EVI5: variants seen among roughly 807,000 people sequenced by gnomAD.
EVI5 encodes the protein ecotropic viral integration site 5.
In EVI5, 73 loss-of-function variants were observed where a neutral mutation model predicts 112.0. The ratio of observed to expected loss-of-function variants is 0.65; its 90% CI spans 0.54 to 0.79. The LOEUF is 0.79. EVI5 is among the 30% of genes least tolerant of loss of function. The pLI is 0.00. For synonymous variants in EVI5, 305 were observed against 319.9 expected, an observed-to-expected ratio of 0.95 and a Z score of 0.50; for missense variants, 900 against 968.8, an observed-to-expected ratio of 0.93 and a Z score of 0.94.
chr1:92,784,814 G>C (rs1685401398), intron 1 of EVI5, 22 bp downstream of exon 1: 2 of 985,412 alleles, frequency 2.0e-6, no homozygotes, highest in Non-Finnish European at 2.4e-6. Flanking sequence ...CGGCCCGCCC[G>C]GCCTGGCGCA....
At chr1:92,631,083 C>A (rs932610361) in intron 14 of EVI5, among the ~76,000 whole-genome samples, 1 of 152,068 alleles carries the variant, frequency 6.6e-6, no homozygotes, top group African/African-American at 2.4e-5. Context: ...GTTACTGTAG[C>A]CTTGTAGTAT....
At chr1:92,782,395 G>A (rs1684982097) in intron 1 of EVI5, among the ~76,000 whole-genome samples, 1 of 151,834 alleles carries the variant, frequency 6.6e-6, no homozygotes, top group East Asian at 1.9e-4. Flanking sequence ...TCCTAGAAAG[G>A]ACTCATATCC....
At chr1:92,596,146 C>A (rs1385419158) in intron 18 of EVI5, among the ~76,000 whole-genome samples, 3 of 152,006 alleles carry the variant, frequency 2.0e-5, no homozygotes, top group Non-Finnish European at 4.4e-5. Context: ...TGCTTGAGCC[C>A]AGGAGATCAA....
chr1:92,681,427 T>C (rs1310573152), intron 9 of EVI5, among the ~76,000 whole-genome samples: 1 of 152,126 alleles, frequency 6.6e-6, no homozygotes, highest in African/African-American at 2.4e-5. Context: ...GTAAAGAGTA[T>C]ATCGTACCCC....
intron 18 of EVI5, among the ~76,000 whole-genome samples, chr1:92,599,554 A>G (rs1319833292): frequency 2.6e-5 from 4 of 152,130 alleles, no homozygotes; most frequent in African/African-American, 9.6e-5. Flanking sequence ...AGACATATAC[A>G]TATAATTAAA....
At chr1:92,713,556 G>A (rs774775301) in intron 2 of EVI5, among the ~76,000 whole-genome samples, 3 of 151,902 alleles carry the variant, frequency 2.0e-5, no homozygotes, top group Non-Finnish European at 2.9e-5. Flanking sequence ...CGGGCCAATC[G>A]CTTGAGGTCA....
chr1:92,559,792 A>AC, intron 19 of EVI5, among the ~76,000 whole-genome samples: 1 of 151,144 alleles, frequency 6.6e-6, no homozygotes, highest in Non-Finnish European at 1.5e-5. Context: ...AAAAAAAAAA[A>AC]AAAAAAGCTT....
rs1470409247 is a variant in EVI5, at chr1:92,703,381, T to A, written c.564+14A>T. The A allele has an allele frequency of 2.8e-6, 4 of 1,417,656 alleles. No individual in the cohort carries two copies. Among genetic ancestry groups the A allele is most frequent in the South Asian group, 1.3e-5 (1 of 78,950 alleles). The allele number at this position is 1,417,656 out of a possible 1,614,324, so 87.8% of individuals were successfully genotyped here. ...AATTCATTTCATTTCAAAAAATGAA[T>A]AAATAAAACTTACCTTCATTACATT... is the stretch of plus-strand genomic sequence containing the variant. On this transcript the variant is annotated intron_variant, in intron 4 of 19. Coordinates refer to ENST00000684568, the MANE Select transcript of EVI5 (RefSeq NM_001350197.2).
intron 1 of EVI5, among the ~76,000 whole-genome samples, chr1:92,751,595 T>A (rs1356897343): frequency 6.6e-6 from 1 of 152,156 alleles, no homozygotes; most frequent in Admixed American, 6.5e-5. Context: ...TTTGGTGGAG[T>A]ACCTCCTCTA....
chr1:92,756,976 A>C, intron 1 of EVI5: 2 of 261,872 alleles, frequency 7.6e-6, no homozygotes, highest in Non-Finnish European at 1.6e-5. Context: ...TAAGGGTAAT[A>C]ACTGACCCAG....
intron 13 of EVI5, among the ~76,000 whole-genome samples, chr1:92,637,496 T>G (rs1659122984): frequency 6.6e-6 from 1 of 152,166 alleles, no homozygotes. Context: ...GCTTTCCTAC[T>G]CTATAAAACA....
chr1:92,535,018 T>C lies in EVI5; in HGVS notation c.2167-21048A>G, dbSNP rs1477048877. 2.6e-5 allele frequency among the ~76,000 whole-genome samples: 4 copies of C among 152,088 alleles called. No homozygotes were observed. In the East Asian group the frequency reaches 5.8e-4, roughly 22 times the overall value. On this transcript the variant is annotated intron_variant, in intron 19 of 19. Transcript: ENST00000684568. ...AGAATGGGAGAAAATTTTTGCAATT[T>C]ATATTTTGCATCTGACAAAGGGCTA... is the stretch of plus-strand genomic sequence containing the variant.
At chr1:92,749,155 G>A (rs557516452) in intron 1 of EVI5, 3 of 255,034 alleles carry the variant, frequency 1.2e-5, no homozygotes, top group African/African-American at 2.4e-5. Context: ...CAAATAAATT[G>A]TATTATAGTC....
Position 92,784,868 on chromosome 1 carries a change from A to G in EVI5, c.-114T>C, listed in dbSNP as rs1240870506. ...ACGTTGAGTAGACTTCGCCGTAAAC[A>G]TTAACTTCCCATCCAGCCGGCAGCC... On this transcript the variant is annotated 5_prime_UTR_variant, in exon 1 of 20. The change abolishes an upstream ATG in the 5' untranslated region. Transcript: ENST00000684568. 23 of 985,404 alleles carry G rather than the reference A, an allele frequency of 2.3e-5. No homozygotes were observed. Among genetic ancestry groups the G allele is most frequent in the Non-Finnish European group, 2.4e-5 (20 of 830,192 alleles). The allele number at this position is 985,404 out of a possible 1,614,324, so 61.0% of individuals were successfully genotyped here.
chr1:92,602,803 C>T (rs1017824471), intron 18 of EVI5, among the ~76,000 whole-genome samples: 5 of 151,732 alleles, frequency 3.3e-5, no homozygotes, highest in African/African-American at 4.8e-5. Context: ...GGACTTGGAG[C>T]ACAGTCAACA....
At chr1:92,542,003 GTTGT>G (rs978651071) in intron 19 of EVI5, among the ~76,000 whole-genome samples, 6 of 152,202 alleles carry the variant, frequency 3.9e-5, no homozygotes, top group African/African-American at 1.2e-4. Flanking sequence ...GGTTGGGGTG[GTTGT>G]GGCAATTTCT....
rs3042602 is a variant in EVI5, at chr1:92,732,898, C to CAAAAA, written c.149+3495_149+3499dup. Among the ~76,000 whole-genome samples, 93 of 89,044 alleles carry CAAAAA rather than the reference C, an allele frequency of 1.0e-3. 4 individuals are homozygous for CAAAAA. Among genetic ancestry groups the CAAAAA allele is most frequent in the African/African-American group, 3.4e-3 (87 of 25,716 alleles). The allele number at this position is 89,044 out of a possible 152,430, so 58.4% of individuals were successfully genotyped here. ...CTGGGAGACATGTGAGACTCCATCT[C>CAAAAA]AAAAAAAAAAAAAAAAAAAAATTAC... On this transcript the variant is annotated intron_variant, in intron 2 of 19. Coordinates refer to ENST00000684568, the MANE Select transcript of EVI5 (RefSeq NM_001350197.2).
At chr1:92,581,999 T>A (rs938603928) in intron 18 of EVI5, among the ~76,000 whole-genome samples, 2 of 152,228 alleles carry the variant, frequency 1.3e-5, no homozygotes, top group African/African-American at 2.4e-5. Flanking sequence ...ACAATGGGGA[T>A]ACATTCTGAG....
chr1:92,728,149 AAAG>A (rs1258745632), intron 2 of EVI5, among the ~76,000 whole-genome samples: 1 of 152,174 alleles, frequency 6.6e-6, no homozygotes, highest in Non-Finnish European at 1.5e-5. Flanking sequence ...TACCAAAGAT[AAAG>A]AAGGTCATTT....
Sources: gnomAD v4.1 joint callset for allele counts (sites outside exome capture counted in the v4.1 genomes callset) on GRCh38, gnomAD v4.1.1 for gene constraint, MANE v1.5 for transcripts, NCBI Gene and HGNC (gene_info 2026-07-23, HGNC 2026-07-21) for gene names.